Variants in CYP7B1 observed in about 807,000 individuals in gnomAD.
The protein encoded by CYP7B1 is cytochrome P450 family 7 subfamily B member 1.
CYP7B1 carries 29 observed loss-of-function variants against 42.7 expected under a neutral mutation model. The ratio of observed to expected loss-of-function variants is 0.68; its 90% CI spans 0.51 to 0.93. CYP7B1 has a LOEUF of 0.93. Among genes scored for constraint, CYP7B1 ranks in the 40% least tolerant of loss-of-function variants. The pLI is 0.00. For synonymous variants in CYP7B1, 235 were observed against 218.2 expected, an observed-to-expected ratio of 1.08 and a Z score of -0.68; for missense variants, 655 against 600.5, an observed-to-expected ratio of 1.09 and a Z score of -0.95.
intron 5 of CYP7B1, among the ~76,000 whole-genome samples, chr8:64,600,854 T>C (rs760312207): frequency 2.6e-5 from 4 of 152,182 alleles, no homozygotes; most frequent in Non-Finnish European, 4.4e-5. Context: ...CTTTTCTCAA[T>C]AGGAAGCACC....
intron 1 of CYP7B1, among the ~76,000 whole-genome samples, chr8:64,695,257 C>T (rs1339298634): frequency 6.6e-6 from 1 of 152,116 alleles, no homozygotes; most frequent in Non-Finnish European, 1.5e-5. Flanking sequence ...CAGAAGAGGT[C>T]TGAGGACTGA....
intron 1 of CYP7B1, among the ~76,000 whole-genome samples, chr8:64,752,395 C>CGTGTGTGT (rs5891973): frequency 2.7e-5 from 4 of 148,180 alleles, no homozygotes; most frequent in African/African-American, 9.8e-5. Context: ...TGTGCATGTG[C>CGTGTGTGT]GTGTGTGTGT....
intron 1 of CYP7B1, among the ~76,000 whole-genome samples, chr8:64,790,682 G>A (rs1804602741): frequency 6.6e-6 from 1 of 152,078 alleles, no homozygotes; most frequent in South Asian, 2.1e-4. Flanking sequence ...TTCCTCCAAT[G>A]TGCCCAAGAG....
chr8:64,685,927 G>A (rs1168663717), intron 1 of CYP7B1, among the ~76,000 whole-genome samples: 2 of 36,216 alleles, frequency 5.5e-5, no homozygotes, highest in Non-Finnish European at 1.1e-4. Context: ...GGGAGGTGGG[G>A]GGGTCAGCCC....
At chr8:64,677,175 G>A (rs958774553) in intron 1 of CYP7B1, among the ~76,000 whole-genome samples, 1 of 151,824 alleles carries the variant, frequency 6.6e-6, no homozygotes. Context: ...TATACACTGT[G>A]GCAAAATATA....
At chr8:64,757,942 C>T (rs1807830913) in intron 1 of CYP7B1, among the ~76,000 whole-genome samples, 1 of 152,160 alleles carries the variant, frequency 6.6e-6, no homozygotes, top group Non-Finnish European at 1.5e-5. Context: ...CAGAAAGTCA[C>T]ACCAGATACT....
chr8:64,672,052 C>CT (rs1563385068), intron 1 of CYP7B1, among the ~76,000 whole-genome samples: 1 of 152,080 alleles, frequency 6.6e-6, no homozygotes, highest in Admixed American at 6.6e-5. Flanking sequence ...ATTCTCATTA[C>CT]TTTTTTTGTT....
intron 2 of CYP7B1, among the ~76,000 whole-genome samples, chr8:64,623,164 C>G (rs114388389): frequency 6.6e-6 from 1 of 152,156 alleles, no homozygotes; most frequent in Non-Finnish European, 1.5e-5. Context: ...TCTACATGTG[C>G]CCCCATGCAA....
At chr8:64,644,876 C>A (rs1227221055) in intron 1 of CYP7B1, among the ~76,000 whole-genome samples, 1 of 151,226 alleles carries the variant, frequency 6.6e-6, no homozygotes, top group Non-Finnish European at 1.5e-5. Context: ...CGTCATTTAG[C>A]ATTAGGTATA....
chr8:64,773,762 GCT>G (rs1488117070), intron 1 of CYP7B1, among the ~76,000 whole-genome samples: 1 of 152,192 alleles, frequency 6.6e-6, no homozygotes, highest in Non-Finnish European at 1.5e-5. Context: ...GGGCCTTCTA[GCT>G]CTGTCATAAC....
intron 1 of CYP7B1, among the ~76,000 whole-genome samples, chr8:64,674,724 TA>T (rs1806418177): frequency 6.6e-6 from 1 of 152,124 alleles, no homozygotes; most frequent in Non-Finnish European, 1.5e-5. Context: ...GCACATCTGC[TA>T]CCAATGAAAA....
chr8:64,741,122 A>G (rs1053389062), intron 1 of CYP7B1, among the ~76,000 whole-genome samples: 16 of 151,996 alleles, frequency 1.1e-4, no homozygotes, highest in Non-Finnish European at 2.1e-4. Context: ...CTCTTTCCCT[A>G]AGTTAGAGAT....
intron 2 of CYP7B1, among the ~76,000 whole-genome samples, chr8:64,622,444 AT>A (rs1410549766): frequency 6.6e-6 from 1 of 152,234 alleles, no homozygotes; most frequent in African/African-American, 2.4e-5. Flanking sequence ...GTAGCAGAGT[AT>A]TTCAGGAAGG....
intron 1 of CYP7B1, among the ~76,000 whole-genome samples, chr8:64,677,955 G>A (rs186669207): frequency 1.3e-3 from 205 of 152,090 alleles, no homozygotes; most frequent in Non-Finnish European, 2.5e-3. Context: ...CAGATTTCTC[G>A]TGGTTAAGCC....
chr8:64,618,783 A>G (rs1317094052), intron 2 of CYP7B1, among the ~76,000 whole-genome samples: 1 of 152,162 alleles, frequency 6.6e-6, no homozygotes, highest in East Asian at 1.9e-4. Context: ...AAATATAAGC[A>G]GTTGTTTGTA....
intron 1 of CYP7B1, among the ~76,000 whole-genome samples, chr8:64,717,051 T>A (rs954706638): frequency 3.3e-5 from 5 of 152,236 alleles, no homozygotes; most frequent in Non-Finnish European, 5.9e-5. Context: ...TATTAACTGT[T>A]TCATCAAAAT....
At chr8:64,625,499 G>A (rs965723171) in intron 1 of CYP7B1, among the ~76,000 whole-genome samples, 2 of 152,092 alleles carry the variant, frequency 1.3e-5, no homozygotes, top group African/African-American at 4.8e-5. Flanking sequence ...TTATAATATC[G>A]ATAAAAAACA....
At chr8:64,609,121 C>G (rs1413385551) in intron 4 of CYP7B1, among the ~76,000 whole-genome samples, 2 of 152,140 alleles carry the variant, frequency 1.3e-5, no homozygotes, top group Non-Finnish European at 2.9e-5. Flanking sequence ...CTCCCAAGAT[C>G]CTACTGAAGA....
At chr8:64,624,596 C>A in intron 1 of CYP7B1, 57 bp from the exon 2 acceptor site, 1 of 1,593,696 alleles carries the variant, frequency 6.3e-7, no homozygotes, top group Non-Finnish European at 8.6e-7. Context: ...CATTCTTATT[C>A]GAATACAGGT....
Sources: allele counts gnomAD v4.1 joint callset (sites outside exome capture counted in the v4.1 genomes callset), GRCh38; gene constraint gnomAD v4.1.1; transcripts MANE v1.5; gene names NCBI Gene and HGNC (gene_info 2026-07-23, HGNC 2026-07-21).